Variants in ATRN observed in about 807,000 individuals in gnomAD.
ATRN encodes the protein attractin.
In ATRN, 54 loss-of-function variants were observed where a neutral mutation model predicts 178.7. That is an observed-to-expected ratio of 0.30 (90% CI 0.24 to 0.38). The LOEUF is 0.38. Among genes scored for constraint, ATRN ranks in the 10% least tolerant of loss-of-function variants. The probability of loss-of-function intolerance (pLI) is 1.00; values close to 1 mark genes in which losing one functional copy is unlikely to be tolerated. For synonymous variants in ATRN, 636 were observed against 663.0 expected, an observed-to-expected ratio of 0.96 and a Z score of 0.63; for missense variants, 1,443 against 1,815.1, an observed-to-expected ratio of 0.79 and a Z score of 3.73.
intron 1 of ATRN, chr20:3,490,662 A>G: frequency 1.2e-6 from 1 of 847,574 alleles, no homozygotes; most frequent in East Asian, 2.4e-5. Context: ...CTTCACTTGG[A>G]TTCTCTGAGC....
At chr20:3,603,951 A>G (rs1311337423) in intron 23 of ATRN, among the ~76,000 whole-genome samples, 154 bp from the exon 24 acceptor site, 1 of 152,208 alleles carries the variant, frequency 6.6e-6, no homozygotes, top group East Asian at 1.9e-4. Flanking sequence ...GGCAGCTGTG[A>G]GGATTAAATG....
At chr20:3,473,024 C>T (rs1265725656) in intron 1 of ATRN, among the ~76,000 whole-genome samples, 1 of 152,194 alleles carries the variant, frequency 6.6e-6, no homozygotes, top group Non-Finnish European at 1.5e-5. Flanking sequence ...AACCAAGTTA[C>T]TTCAGGACCA....
chr20:3,563,148 G>A (rs758435052), intron 9 of ATRN, 61 bp from the exon 10 acceptor site: 40 of 1,446,026 alleles, frequency 2.8e-5, no homozygotes, highest in Non-Finnish European at 3.8e-5. Flanking sequence ...TGCATTAGCA[G>A]ATACATAAAT....
intron 1 of ATRN, among the ~76,000 whole-genome samples, chr20:3,496,314 CT>C (rs1242408489): frequency 1.3e-5 from 2 of 150,916 alleles, no homozygotes; most frequent in African/African-American, 4.9e-5. Context: ...CCTCTACACA[CT>C]GCTTTGAATG....
At position 3,562,272 on chromosome 20, in the gene ATRN, C is replaced by A; in HGVS notation, c.1448-4C>A. ...GCTTGCCTTTAACTGTCTTTCCTTTCCAGATAAGAACACATGGAGTATATT... is the reference window on the plus strand; with the variant it reads ...GCTTGCCTTTAACTGTCTTTCCTTTACAGATAAGAACACATGGAGTATATT... On this transcript the variant is annotated splice_polypyrimidine_tract_variant and splice_region_variant and intron_variant, in intron 8 of 28. Coordinates refer to ENST00000262919, the MANE Select transcript of ATRN (RefSeq NM_139321.3). 3 of 1,608,048 alleles carry A rather than the reference C, an allele frequency of 1.9e-6. No individual in the cohort carries two copies. Among genetic ancestry groups the A allele is most frequent in the Non-Finnish European group, 2.5e-6 (3 of 1,176,528 alleles).
At chr20:3,557,507 AG>A (rs966026428) in intron 6 of ATRN, among the ~76,000 whole-genome samples, 2 of 152,222 alleles carry the variant, frequency 1.3e-5, no homozygotes, top group African/African-American at 4.8e-5. Flanking sequence ...GAGTGAATTC[AG>A]GGAAAGAGTA....
intron 1 of ATRN, among the ~76,000 whole-genome samples, chr20:3,504,391 C>T (rs998911742): frequency 1.2e-4 from 18 of 151,460 alleles, no homozygotes; most frequent in East Asian, 3.9e-4. Context: ...AATAGACTGT[C>T]GCAGGCCGGG....
chr20:3,487,218 G>A (rs956743471), intron 1 of ATRN, among the ~76,000 whole-genome samples: 2 of 151,970 alleles, frequency 1.3e-5, no homozygotes, highest in Non-Finnish European at 2.9e-5. Flanking sequence ...ATCCTATTGT[G>A]CCTTTAAGCA....
intron 24 of ATRN, among the ~76,000 whole-genome samples, chr20:3,619,393 A>G (rs558688993): frequency 6.6e-6 from 1 of 152,274 alleles, no homozygotes; most frequent in South Asian, 2.1e-4. Flanking sequence ...TAGAAATGCC[A>G]GTTTTATCCT....
chr20:3,585,007 G>T (rs1197840338), intron 18 of ATRN, 127 bp downstream of exon 18: 1 of 890,294 alleles, frequency 1.1e-6, no homozygotes. Flanking sequence ...CTAATGGTTG[G>T]TACAAGAAGG....
intron 1 of ATRN, among the ~76,000 whole-genome samples, chr20:3,513,814 T>G (rs1434318642): frequency 1.3e-5 from 2 of 152,214 alleles, no homozygotes; most frequent in Non-Finnish European, 2.9e-5. Flanking sequence ...TTCACGTCCC[T>G]TGTAAGTTGG....
chr20:3,480,853 C>G (rs2084610530), intron 1 of ATRN, among the ~76,000 whole-genome samples: 2 of 152,178 alleles, frequency 1.3e-5, no homozygotes, highest in South Asian at 2.1e-4. Flanking sequence ...TTAAGAAATA[C>G]AGAAGTGAGT....
rs2086441275 is a variant in ATRN at position 3,591,456 on chromosome 20, G to A, written c.3322+150G>A. ...TACTGGTCAGAAGCTCAGCTGAGCT[G>A]GAAGAAAGAACCAAGGTTTCAGTGT... On this transcript the variant is annotated intron_variant, in intron 19 of 28. Coordinates refer to ENST00000262919, the MANE Select transcript of ATRN (RefSeq NM_139321.3). The A allele has an allele frequency of 2.8e-6, 3 of 1,054,628 alleles. 1 individual carries two copies. Among genetic ancestry groups the A allele is most frequent in the South Asian group, 4.0e-5 (2 of 50,598 alleles). 65.3% of individuals were successfully genotyped at this position (1,054,628 alleles called of 1,614,324 possible).
At position 3,649,742 on chromosome 20, in the gene ATRN, GTC is replaced by G. The variant is rs1408540924; in HGVS notation, c.*2897_*2898del. ...CTTGTCCTGAGAAATGTTTCTCTTAGTCTTTAAGTTCAAAGACTAACCTGTAG... is the reference window on the plus strand; with the variant it reads ...CTTGTCCTGAGAAATGTTTCTCTTAGTTTAAGTTCAAAGACTAACCTGTAG... On this transcript the variant is annotated 3_prime_UTR_variant, in exon 29 of 29. Transcript: ENST00000262919. The G allele has an allele frequency of 6.6e-6, 1 of 152,188 alleles. No homozygotes were observed. The highest frequency in any genetic ancestry group is 2.4e-5 in the African/African-American group (1 of 41,430). 9.4% of individuals were successfully genotyped at this position (152,188 alleles called of 1,614,324 possible).
In ATRN at chr20:3,638,276, C is replaced by T. The variant is rs1488862784; in HGVS notation, c.3943-552C>T. ...TTTGGTATTTGTCCTAATGCTCTCC[C>T]TCCCCTTGCTCCCCACCCCTGACAG... On this transcript the variant is annotated intron_variant, in intron 26 of 28. Coordinates refer to ENST00000262919, the MANE Select transcript of ATRN (RefSeq NM_139321.3). This position sits in a 1 kb window ranked among gnomAD's most constrained non-coding sequence, Gnocchi z 4.5. Among the ~76,000 whole-genome samples, 2 of 152,114 alleles carry T rather than the reference C, an allele frequency of 1.3e-5. No individual in the cohort carries two copies. Among genetic ancestry groups the T allele is most frequent in the African/African-American group, 4.8e-5 (2 of 41,410 alleles).
chr20:3,594,185 A>G (rs1006757188), intron 19 of ATRN, among the ~76,000 whole-genome samples: 1 of 152,214 alleles, frequency 6.6e-6, no homozygotes, highest in Non-Finnish European at 1.5e-5. Context: ...GAATCAAAGA[A>G]TCATAGCAGT....
At chr20:3,471,838 G>GCTAAA (rs1183010056) in intron 1 of ATRN, among the ~76,000 whole-genome samples, 1 of 152,206 alleles carries the variant, frequency 6.6e-6, no homozygotes, top group African/African-American at 2.4e-5. Flanking sequence ...GCGTGTTTCA[G>GCTAAA]CTAAACGAGG....
At chr20:3,567,207 A>G (rs990323452) in intron 11 of ATRN, among the ~76,000 whole-genome samples, 6 of 152,158 alleles carry the variant, frequency 3.9e-5, no homozygotes, top group Admixed American at 2.0e-4. Flanking sequence ...TGAGATTTTC[A>G]TCTGAAACGC....
chr20:3,576,785 T>C, intron 13 of ATRN, 74 bp from the exon 14 acceptor site: 1 of 1,534,298 alleles, frequency 6.5e-7, no homozygotes, highest in Admixed American at 1.8e-5. Context: ...TTGTTGTCTA[T>C]AATATCCTGT....
Sources: gnomAD v4.1 joint callset for allele counts (sites outside exome capture counted in the v4.1 genomes callset) on GRCh38, gnomAD v4.1.1 for gene constraint, Gnocchi (gnomAD v3.1) non-coding constraint, MANE v1.5 for transcripts, NCBI Gene and HGNC (gene_info 2026-07-23, HGNC 2026-07-21) for gene names.